DLG2: variants seen among roughly 807,000 people sequenced by gnomAD.
DLG2 encodes discs large MAGUK scaffold protein 2, also known as disks large homolog 2.
A neutral mutation model predicts 132.5 loss-of-function variants in DLG2; 45 were observed. The observed-to-expected ratio is 0.34, with a 90% confidence interval of 0.27 to 0.44. The LOEUF is 0.44. Among genes scored for constraint, DLG2 ranks in the 20% least tolerant of loss-of-function variants. The probability of loss-of-function intolerance (pLI) is 1.00; values close to 1 mark genes in which losing one functional copy is unlikely to be tolerated. For missense variants in DLG2, 1,045 were observed against 1,196.9 expected, an observed-to-expected ratio of 0.87 and a Z score of 1.87; for synonymous variants, 424 against 419.6, an observed-to-expected ratio of 1.01 and a Z score of -0.13.
intron 3 of DLG2, among the ~76,000 whole-genome samples, chr11:85,553,250 A>C (rs2076765879): frequency 6.6e-6 from 1 of 151,618 alleles, no homozygotes; most frequent in African/African-American, 2.4e-5. Flanking sequence ...TTCTAAATTC[A>C]CTTTTTTCTT....
At chr11:83,778,845 C>T (rs12287601) in intron 18 of DLG2, among the ~76,000 whole-genome samples, 64,642 of 151,774 alleles carry the variant, frequency 0.43, 14,054 homozygotes, top group Middle Eastern at 0.59. Context: ...TCATATTCTA[C>T]GCTGCTATGG....
chr11:85,352,854 T>C (rs1431340747), intron 3 of DLG2, among the ~76,000 whole-genome samples: 2 of 152,218 alleles, frequency 1.3e-5, no homozygotes, highest in African/African-American at 2.4e-5. Context: ...GATTAAAGAC[T>C]TAAATGTTAG....
chr11:84,356,125 A>G (rs2098609737), intron 7 of DLG2, among the ~76,000 whole-genome samples: 1 of 152,140 alleles, frequency 6.6e-6, no homozygotes, highest in South Asian at 2.1e-4. Context: ...CCTAAGATAA[A>G]TGCTTCAGAC....
At chr11:84,356,160 T>A (rs2098609987) in intron 7 of DLG2, among the ~76,000 whole-genome samples, 1 of 152,136 alleles carries the variant, frequency 6.6e-6, no homozygotes, top group South Asian at 2.1e-4. Context: ...TTTTTGGTTT[T>A]GGTGGGGAAA....
At chr11:84,440,640 T>C (rs2099014479) in intron 7 of DLG2, among the ~76,000 whole-genome samples, 1 of 152,206 alleles carries the variant, frequency 6.6e-6, no homozygotes, top group African/African-American at 2.4e-5. Context: ...TTTCCATCTG[T>C]ATATAATCAG....
chr11:85,052,727 G>C (rs1236119266), intron 6 of DLG2, among the ~76,000 whole-genome samples: 1 of 152,154 alleles, frequency 6.6e-6, no homozygotes, highest in Non-Finnish European at 1.5e-5. Flanking sequence ...TTAAAAAGAA[G>C]AGAAAAATAT....
At chr11:84,717,794 T>C (rs1276264800) in intron 6 of DLG2, among the ~76,000 whole-genome samples, 1 of 152,072 alleles carries the variant, frequency 6.6e-6, no homozygotes, top group Non-Finnish European at 1.5e-5. Context: ...TAAGCAACAA[T>C]CATTTGATGA....
intron 6 of DLG2, among the ~76,000 whole-genome samples, chr11:84,748,007 G>A (rs148163692): frequency 3.8e-4 from 58 of 152,260 alleles, no homozygotes; most frequent in African/African-American, 1.4e-3. Context: ...CATATAGGCT[G>A]CCATTCCCCT....
chr11:84,648,786 TA>T (rs2099678022), intron 6 of DLG2, among the ~76,000 whole-genome samples: 4 of 151,950 alleles, frequency 2.6e-5, no homozygotes, highest in African/African-American at 9.7e-5. Context: ...TGTATATATA[TA>T]TATATCTCAC....
At chr11:83,952,143 C>T (rs570701021) in intron 14 of DLG2, among the ~76,000 whole-genome samples, 48 of 152,080 alleles carry the variant, frequency 3.2e-4, no homozygotes, top group Admixed American at 1.8e-3. Flanking sequence ...CTTGGGAGTT[C>T]GAGACTAGCC....
chr11:83,486,253 T>C (rs963577706), intron 21 of DLG2: 15 of 678,866 alleles, frequency 2.2e-5, no homozygotes, highest in Non-Finnish European at 3.8e-5. Flanking sequence ...CTCCAGTAAC[T>C]GAAAATAAAA....
intron 6 of DLG2, among the ~76,000 whole-genome samples, chr11:84,976,885 C>A (rs1010938346): frequency 6.6e-6 from 1 of 152,130 alleles, no homozygotes; most frequent in African/African-American, 2.4e-5. Context: ...GGAAAGAAAT[C>A]TGTGCTTTGG....
At chr11:85,419,355 C>G (rs1449824389) in intron 3 of DLG2, among the ~76,000 whole-genome samples, 1 of 152,046 alleles carries the variant, frequency 6.6e-6, no homozygotes, top group Admixed American at 6.6e-5. Flanking sequence ...TGCCCTTAAT[C>G]TTTTTTACCT....
chr11:83,779,644 A>G (rs1170268221), intron 18 of DLG2, among the ~76,000 whole-genome samples: 1 of 152,196 alleles, frequency 6.6e-6, no homozygotes, highest in East Asian at 1.9e-4. Flanking sequence ...TAACAGCTAT[A>G]CCAATTTTAA....
chr11:85,084,915 C>T (rs903258516), intron 6 of DLG2, among the ~76,000 whole-genome samples: 33 of 152,030 alleles, frequency 2.2e-4, no homozygotes, highest in African/African-American at 7.0e-4. Context: ...TTTTGAATGT[C>T]GAAGATAGCC....
chr11:85,321,878 C>G (rs1349781258), intron 3 of DLG2, among the ~76,000 whole-genome samples: 1 of 151,884 alleles, frequency 6.6e-6, no homozygotes, highest in Non-Finnish European at 1.5e-5. Flanking sequence ...GAGATGCAGA[C>G]AGTAAGTGTG....
intron 3 of DLG2, among the ~76,000 whole-genome samples, chr11:85,290,145 G>A (rs1214638746): frequency 2.6e-5 from 4 of 152,084 alleles, no homozygotes; most frequent in African/African-American, 9.7e-5. Flanking sequence ...ATCATTGAAT[G>A]AAGTCAAATC....
chr11:84,149,703 T>G (rs1224353795), intron 9 of DLG2, among the ~76,000 whole-genome samples: 1 of 152,186 alleles, frequency 6.6e-6, no homozygotes, highest in Non-Finnish European at 1.5e-5. Flanking sequence ...TCAGCCTCTT[T>G]TTTGGTTACA....
At chr11:84,285,464 A>G (rs560324990) in intron 7 of DLG2, among the ~76,000 whole-genome samples, 2 of 152,282 alleles carry the variant, frequency 1.3e-5, no homozygotes, top group Non-Finnish European at 2.9e-5. Context: ...TTTGGTTCCT[A>G]TGCAAATGCC....
Sources: allele counts gnomAD v4.1 joint callset (sites outside exome capture counted in the v4.1 genomes callset), GRCh38; gene constraint gnomAD v4.1.1; transcripts MANE v1.5; gene names NCBI Gene and HGNC (gene_info 2026-07-23, HGNC 2026-07-21).